The following TRIP4 variants were observed in gnomAD, a reference collection of about 807,000 sequenced individuals.
TRIP4 encodes thyroid hormone receptor interactor 4.
TRIP4 carries 54 observed loss-of-function variants against 81.8 expected under a neutral mutation model. The observed-to-expected ratio is 0.66, with a 90% CI of 0.53 to 0.83. The LOEUF (loss-of-function observed/expected upper bound fraction) is 0.83. Ranked by LOEUF, TRIP4 falls within the 40% of genes least tolerant of loss-of-function variation. The probability of loss-of-function intolerance (pLI) is 0.00; values close to 1 mark genes in which losing one functional copy is unlikely to be tolerated. For synonymous variants in TRIP4, 270 were observed against 242.8 expected (o/e 1.11, Z -1.04); for missense variants, 662 against 683.6 (o/e 0.97, Z 0.35).
intron 11 of TRIP4, among the ~76,000 whole-genome samples, chr15:64,442,715 C>T (rs1167479784): frequency 6.6e-6 from 1 of 151,764 alleles, no homozygotes; most frequent in Non-Finnish European, 1.5e-5. Context: ...GAGCCAGGCA[C>T]GGTGGCTCAC....
chr15:64,400,829 G>T lies in TRIP4; in HGVS notation c.697+8G>T, dbSNP rs1196343841. On this transcript the variant is annotated splice_region_variant and intron_variant, in intron 5 of 12. Coordinates refer to ENST00000261884, the MANE Select transcript of TRIP4 (RefSeq NM_016213.5). ...TAAAGAAACTCATGTCAGGTAGACA[G>T]CAGTCTTGTAATTGGATCACTGGGA... is the stretch of plus-strand genomic sequence containing the variant. 6.2e-7 allele frequency: 1 copy of T among 1,611,438 alleles called. No individual in the cohort carries two copies. Among genetic ancestry groups the T allele is most frequent in the South Asian group, 1.1e-5 (1 of 90,916 alleles).
At chr15:64,396,393 C>T (rs1458366515) in intron 3 of TRIP4, among the ~76,000 whole-genome samples, 1 of 151,070 alleles carries the variant, frequency 6.6e-6, no homozygotes, top group Non-Finnish European at 1.5e-5. Flanking sequence ...TCTCCTGCCT[C>T]AGTCTCCCAA....
chr15:64,435,970 T>C (rs148534491), intron 11 of TRIP4, among the ~76,000 whole-genome samples: 1 of 151,500 alleles, frequency 6.6e-6, no homozygotes, highest in African/African-American at 2.4e-5. Context: ...CACCATGCCC[T>C]TGTCCACTAG....
chr15:64,445,069 A>C lies in TRIP4; in HGVS notation c.1639A>C (p.Met547Leu). ...TTTCATCTGCAAAAATCCTCAGGAA[A>C]TGGTTGTGAAGTTTCCTATTAAAGG... ...FVFICKNPQE[M>L]VVKFPIKGNP... is the part of the protein sequence containing the mutation. The change falls in exon 12 of 13, where the codon ATG (methionine) becomes CTG (leucine). Residue 547 changes from methionine to leucine, a missense_variant. Met to Leu is a conservative substitution (Grantham distance 15, BLOSUM62 2). Coordinates refer to ENST00000261884, the MANE Select transcript of TRIP4 (RefSeq NM_016213.5). 6.2e-7 allele frequency: 1 copy of C among 1,607,620 alleles called. No homozygotes were observed. Among genetic ancestry groups the C allele is most frequent in the Non-Finnish European group, 8.5e-7 (1 of 1,175,862 alleles).
intron 9 of TRIP4, among the ~76,000 whole-genome samples, chr15:64,422,752 G>A (rs1001373905): frequency 6.6e-6 from 1 of 152,194 alleles, no homozygotes; most frequent in African/African-American, 2.4e-5. Flanking sequence ...GCAGCATCTA[G>A]TACACAGTCA....
At position 64,394,686 on chromosome 15, in the gene TRIP4, A is replaced by G. The variant is rs922839532; in HGVS notation, c.271+571A>G. 5.9e-5 allele frequency among the ~76,000 whole-genome samples: 9 copies of G among 152,140 alleles called. 1 individual carries two copies. Among genetic ancestry groups the G allele is most frequent in the Admixed American group, 3.3e-4 (5 of 15,262 alleles). On this transcript the variant is annotated intron_variant, in intron 2 of 12. Transcript: ENST00000261884. The stretch of plus-strand genomic sequence containing the variant: ...ATGTGGCTTCAGAATAATTTGAAAA[A>G]TTTATACATAAAGAAACATTTTTCA...
intron 12 of TRIP4, chr15:64,451,051 C>T: frequency 5.4e-6 from 1 of 185,974 alleles, no homozygotes. Flanking sequence ...ACCTAACTCC[C>T]AAGCCTCAGC....
In TRIP4 at chr15:64,455,213, T is replaced by C. The variant is rs1892858819; in HGVS notation, c.*149T>C. 6.9e-6 allele frequency: 4 copies of C among 575,664 alleles called. No individual in the cohort carries two copies. Among genetic ancestry groups the C allele is most frequent in the African/African-American group, 1.9e-5 (1 of 52,426 alleles). The allele number at this position is 575,664 out of a possible 1,614,324, so 35.7% of individuals were successfully genotyped here. A position where few individuals can be genotyped will look rare whatever the true frequency, so the allele number is the denominator to read the frequency against. On this transcript the variant is annotated 3_prime_UTR_variant, in exon 13 of 13. Coordinates refer to ENST00000261884, the MANE Select transcript of TRIP4 (RefSeq NM_016213.5). The stretch of plus-strand genomic sequence containing the variant: ...ACTTAAACTCTTACCAAAATCTGTA[T>C]ATTTTTCTTAAGGAGTGGGATTCCT...
At chr15:64,436,679 T>C (rs1892408089) in intron 11 of TRIP4, among the ~76,000 whole-genome samples, 1 of 142,274 alleles carries the variant, frequency 7.0e-6, no homozygotes, top group Admixed American at 7.3e-5. Flanking sequence ...CTTCTTTGGG[T>C]TCCTACTGTG....
intron 11 of TRIP4, among the ~76,000 whole-genome samples, chr15:64,435,213 CAAAAAAAAAAAA>C (rs35216763): frequency 6.0e-5 from 3 of 50,398 alleles, no homozygotes; most frequent in African/African-American, 2.7e-4. Flanking sequence ...GACCCCATCT[CAAAAAAAAAAAA>C]AAAAAAAAAA....
intron 5 of TRIP4, among the ~76,000 whole-genome samples, chr15:64,401,568 G>T (rs543531900): frequency 5.4e-4 from 82 of 152,172 alleles, no homozygotes; most frequent in African/African-American, 1.8e-3. Flanking sequence ...CACTGTGCCT[G>T]GCCTATTCAC....
chr15:64,430,168 T>C (rs991358631), intron 11 of TRIP4, among the ~76,000 whole-genome samples: 1 of 152,242 alleles, frequency 6.6e-6, no homozygotes, highest in Admixed American at 6.5e-5. Flanking sequence ...TAGTCTTCCT[T>C]TTTATCTTCT....
chr15:64,431,877 C>CTTTT (rs1199638489), intron 11 of TRIP4, among the ~76,000 whole-genome samples: 51 of 52,504 alleles, frequency 9.7e-4, no homozygotes, highest in Non-Finnish European at 1.2e-3. Flanking sequence ...ATTGTGTTTT[C>CTTTT]TTTTTTTTTT....
At chr15:64,397,053 G>T (rs532137312) in intron 3 of TRIP4, among the ~76,000 whole-genome samples, 25 of 152,238 alleles carry the variant, frequency 1.6e-4, no homozygotes, top group Non-Finnish European at 3.2e-4. Flanking sequence ...TTGTTATGAA[G>T]TTCTTATTAG....
intron 1 of TRIP4, 49 bp downstream of exon 1, chr15:64,388,013 T>G (rs1900000205): frequency 6.7e-7 from 1 of 1,494,488 alleles, no homozygotes; most frequent in Non-Finnish European, 9.0e-7. Context: ...GGATGTGCAC[T>G]GCCTGAGCGA....
At chr15:64,409,190 CAAA>C (rs779332196) in intron 6 of TRIP4, among the ~76,000 whole-genome samples, 1 of 123,180 alleles carries the variant, frequency 8.1e-6, no homozygotes. Context: ...GACTCTGTCT[CAAA>C]AAAAAAAAAA....
chr15:64,404,016 A>AC (rs1348951730), intron 5 of TRIP4, among the ~76,000 whole-genome samples: 6 of 151,796 alleles, frequency 4.0e-5, no homozygotes, highest in Non-Finnish European at 7.4e-5. Context: ...ATGTGGAGAA[A>AC]CCCCGTCTCT....
intron 8 of TRIP4, among the ~76,000 whole-genome samples, chr15:64,415,283 C>T (rs1422292444): frequency 6.6e-6 from 1 of 152,092 alleles, no homozygotes; most frequent in African/African-American, 2.4e-5. Context: ...CATACAAAGG[C>T]TCAGCAGCGT....
At chr15:64,421,922 A>G (rs1019647365) in intron 9 of TRIP4, among the ~76,000 whole-genome samples, 2 of 152,016 alleles carry the variant, frequency 1.3e-5, no homozygotes, top group Admixed American at 6.5e-5. Context: ...GTGCATGCCT[A>G]TAATTCTAGC....
Sources: allele counts gnomAD v4.1 joint callset (sites outside exome capture counted in the v4.1 genomes callset), GRCh38; gene constraint gnomAD v4.1.1; transcripts MANE v1.5; gene names NCBI Gene and HGNC (gene_info 2026-07-23, HGNC 2026-07-21).